Variants in ADAMTS17 observed in about 807,000 individuals in gnomAD.
ADAMTS17 encodes the protein A disintegrin and metalloproteinase with thrombospondin motifs 17.
ADAMTS17 carries 113 observed loss-of-function variants against 141.5 expected under a neutral mutation model. The ratio of observed to expected loss-of-function variants is 0.80; its 90% CI spans 0.69 to 0.93. The LOEUF is 0.93. Ranked by LOEUF, ADAMTS17 falls within the 40% of genes least tolerant of loss-of-function variation. The pLI is 0.00. For missense variants in ADAMTS17, 1,659 were observed against 1,517.9 expected (o/e 1.09, Z -1.54); for synonymous variants, 768 against 630.6 (o/e 1.22, Z -3.27).
chr15:100,316,796 C>T (rs1457587436), intron 3 of ADAMTS17, among the ~76,000 whole-genome samples: 1 of 149,676 alleles, frequency 6.7e-6, no homozygotes, highest in Non-Finnish European at 1.5e-5. Context: ...TTCCCTCTCT[C>T]TCAGAGATGA....
intron 13 of ADAMTS17, among the ~76,000 whole-genome samples, chr15:100,115,303 C>T (rs529786131): frequency 1.2e-3 from 177 of 152,312 alleles, no homozygotes; most frequent in African/African-American, 4.1e-3. Flanking sequence ...CGGCTCCAGC[C>T]GCACACGTTC....
chr15:100,240,556 C>A (rs777261813), intron 7 of ADAMTS17, among the ~76,000 whole-genome samples: 1 of 152,162 alleles, frequency 6.6e-6, no homozygotes, highest in Non-Finnish European at 1.5e-5. Flanking sequence ...TGGAGAGAAC[C>A]CCAGACCCTC....
intron 14 of ADAMTS17, among the ~76,000 whole-genome samples, chr15:100,098,369 C>A (rs2035890804): frequency 6.6e-6 from 1 of 152,140 alleles, no homozygotes; most frequent in East Asian, 1.9e-4. Flanking sequence ...CAGGGGCTGG[C>A]CCGGTGCGGT....
chr15:100,140,488 C>CATATTTATATATATATATATATAT (rs2038578989), intron 10 of ADAMTS17, among the ~76,000 whole-genome samples: 1 of 124,936 alleles, frequency 8.0e-6, no homozygotes, highest in Admixed American at 7.8e-5. Flanking sequence ...CACATACATA[C>CATATTTATATATATATATATATAT]ATATATATAT....
intron 8 of ADAMTS17, among the ~76,000 whole-genome samples, chr15:100,178,540 G>T (rs1416733487): frequency 6.6e-6 from 1 of 152,146 alleles, no homozygotes; most frequent in Non-Finnish European, 1.5e-5. Context: ...ACGAAGTTAA[G>T]AATACTCTAT....
At chr15:100,133,998 G>A (rs2038192915) in intron 10 of ADAMTS17, among the ~76,000 whole-genome samples, 1 of 152,182 alleles carries the variant, frequency 6.6e-6, no homozygotes, top group South Asian at 2.1e-4. Context: ...TAAACACACA[G>A]ACTCCCAACT....
chr15:100,085,932 C>G (rs996840582), intron 15 of ADAMTS17, among the ~76,000 whole-genome samples: 1 of 151,964 alleles, frequency 6.6e-6, no homozygotes, highest in African/African-American at 2.4e-5. Flanking sequence ...GAAGAAACTG[C>G]ATCAACTAAT....
intron 7 of ADAMTS17, among the ~76,000 whole-genome samples, chr15:100,248,111 G>A: frequency 6.6e-6 from 1 of 152,092 alleles, no homozygotes. Context: ...CTCCTCCACA[G>A]CATCAACCCG....
rs2060729274 is a variant in ADAMTS17 at position 99,993,327 on chromosome 15, G to T, written c.2797-127C>A. 14 of 1,397,364 alleles carry T rather than the reference G, an allele frequency of 1.0e-5. No individual in the cohort carries two copies. In the East Asian group the frequency reaches 3.0e-4, roughly 30 times the overall value. The allele number at this position is 1,397,364 out of a possible 1,614,324, so 86.6% of individuals were successfully genotyped here. ...TACAAAGATGAAAACCCACACTTCT[G>T]TCCTCAAAAAGCTCCTGGTCTGCAG... On this transcript the variant is annotated intron_variant, in intron 19 of 21. Transcript: ENST00000268070. This position sits in a 1 kb window ranked among gnomAD's most constrained non-coding sequence, Gnocchi z 4.3.
intron 12 of ADAMTS17, among the ~76,000 whole-genome samples, chr15:100,125,492 T>C (rs989781495): frequency 1.1e-4 from 16 of 152,118 alleles, no homozygotes; most frequent in Admixed American, 8.5e-4. Flanking sequence ...CGGCACCTCA[T>C]GATGACCCTG....
intron 3 of ADAMTS17, among the ~76,000 whole-genome samples, chr15:100,297,116 T>C (rs1312704598): frequency 6.6e-6 from 1 of 151,600 alleles, no homozygotes; most frequent in East Asian, 1.9e-4. Context: ...AGTTAACAGA[T>C]AGGGGTGGGG....
At position 100,002,569 on chromosome 15, in the gene ADAMTS17, G is replaced by A. The variant is rs557535130; in HGVS notation, c.2592-4980C>T. Among the ~76,000 whole-genome samples, 4 of 152,102 alleles carry A rather than the reference G, an allele frequency of 2.6e-5. No individual in the cohort carries two copies. The South Asian group carries it at 6.2e-4, about 24-fold the overall frequency. On this transcript the variant is annotated intron_variant, in intron 18 of 21. Transcript: ENST00000268070. Reference sequence around the variant, plus strand: ...ATGTCTCTACATCCGCCGTCACCTCGCTGACTTAAAAAGCCAGATCTGCGG... The same window carrying A: ...ATGTCTCTACATCCGCCGTCACCTCACTGACTTAAAAAGCCAGATCTGCGG...
chr15:100,039,597 C>T (rs2031063325), intron 18 of ADAMTS17, among the ~76,000 whole-genome samples: 1 of 152,130 alleles, frequency 6.6e-6, no homozygotes, highest in South Asian at 2.1e-4. Context: ...CCACGGTGGC[C>T]AGAAAACATA....
intron 18 of ADAMTS17, among the ~76,000 whole-genome samples, chr15:100,012,141 T>C (rs1200391682): frequency 6.6e-6 from 1 of 152,198 alleles, no homozygotes; most frequent in Non-Finnish European, 1.5e-5. Flanking sequence ...CCCTGATCAT[T>C]AGTGATGCTG....
rs1043824693 is a variant in ADAMTS17, at chr15:100,305,654, T to A, written c.617-24253A>T. Among the ~76,000 whole-genome samples the A allele has an allele frequency of 2.0e-4, 30 of 152,308 alleles. 1 individual carries two copies. Among genetic ancestry groups the A allele is most frequent in the Middle Eastern group, 3.4e-3 (1 of 294 alleles). Reference sequence around the variant, plus strand: ...CTGAGACTGTACATTCTGAGGACACTTAGATCTGGATCTACCGGATATGTT... The same window carrying A: ...CTGAGACTGTACATTCTGAGGACACATAGATCTGGATCTACCGGATATGTT... On this transcript the variant is annotated intron_variant, in intron 3 of 21. Coordinates refer to ENST00000268070, the MANE Select transcript of ADAMTS17 (RefSeq NM_139057.4).
At chr15:100,140,488 C>CATATATAT (rs60035034) in intron 10 of ADAMTS17, among the ~76,000 whole-genome samples, 4,856 of 124,900 alleles carry the variant, frequency 0.039, 307 homozygotes, top group East Asian at 0.11. Context: ...CACATACATA[C>CATATATAT]ATATATATAT....
chr15:100,257,013 C>G (rs1157107494), intron 6 of ADAMTS17: 1 of 152,394 alleles, frequency 6.6e-6, no homozygotes, highest in African/African-American at 2.4e-5. Flanking sequence ...CCATGGCAGC[C>G]ACCTAGCCAC....
chr15:100,002,354 CCT>C (rs766906640), intron 18 of ADAMTS17, among the ~76,000 whole-genome samples: 2 of 152,002 alleles, frequency 1.3e-5, no homozygotes, highest in African/African-American at 4.8e-5. Flanking sequence ...AAGTGGGGCC[CCT>C]CTGTCTTGCT....
chr15:100,109,973 T>C (rs942223125), intron 13 of ADAMTS17, among the ~76,000 whole-genome samples: 5 of 151,964 alleles, frequency 3.3e-5, no homozygotes, highest in African/African-American at 7.3e-5. Context: ...CTAGAATTGT[T>C]TGGGCACCTC....
Sources: gnomAD v4.1 joint callset for allele counts (sites outside exome capture counted in the v4.1 genomes callset) on GRCh38, gnomAD v4.1.1 for gene constraint, Gnocchi (gnomAD v3.1) non-coding constraint, MANE v1.5 for transcripts, NCBI Gene and HGNC (gene_info 2026-07-23, HGNC 2026-07-21) for gene names.